Variants in CADM2 observed in about 807,000 individuals in gnomAD.
CADM2 encodes the protein immunoglobulin superfamily member 4D.
Under a neutral mutation model 49.8 loss-of-function variants are expected in CADM2, and 12 were observed. That is an observed-to-expected ratio of 0.24 (90% CI 0.15 to 0.39). CADM2 has a LOEUF of 0.39. Ranked by LOEUF, CADM2 falls within the 10% of genes least tolerant of loss-of-function variation. The pLI, the probability that CADM2 is intolerant of heterozygous loss-of-function variation, is 1.00. For missense variants in CADM2, 378 were observed against 492.3 expected (o/e 0.77, Z 2.20); for synonymous variants, 214 against 175.4 (o/e 1.22, Z -1.74).
intron 1 of CADM2, among the ~76,000 whole-genome samples, chr3:85,012,051 G>A (rs2107257799): frequency 6.7e-6 from 1 of 149,748 alleles, no homozygotes; most frequent in Admixed American, 6.7e-5. Context: ...TTTAGCCATT[G>A]AGATATAATG....
At chr3:85,858,880 A>C (rs565122408) in intron 3 of CADM2, among the ~76,000 whole-genome samples, 1 of 152,336 alleles carries the variant, frequency 6.6e-6, no homozygotes, top group African/African-American at 2.4e-5. Flanking sequence ...GATATATAGA[A>C]AAAAAGTAAC....
chr3:85,208,346 A>G (rs1477135084), intron 1 of CADM2, among the ~76,000 whole-genome samples: 1 of 152,194 alleles, frequency 6.6e-6, no homozygotes, highest in Non-Finnish European at 1.5e-5. Context: ...AGGGATAGCA[A>G]TAAAGGAAGG....
At chr3:85,051,966 C>G (rs2035898719) in intron 1 of CADM2, among the ~76,000 whole-genome samples, 1 of 151,854 alleles carries the variant, frequency 6.6e-6, no homozygotes, top group Admixed American at 6.6e-5. Flanking sequence ...GGTTGAGGAG[C>G]CAAGAGTTCT....
At chr3:85,631,870 T>C (rs2064319229) in intron 1 of CADM2, among the ~76,000 whole-genome samples, 1 of 152,168 alleles carries the variant, frequency 6.6e-6, no homozygotes, top group South Asian at 2.1e-4. Flanking sequence ...CAGATGATAC[T>C]GGTAATATTT....
At chr3:85,144,136 G>T (rs1423721431) in intron 1 of CADM2, among the ~76,000 whole-genome samples, 1 of 151,866 alleles carries the variant, frequency 6.6e-6, no homozygotes, top group Non-Finnish European at 1.5e-5. Context: ...TACAGACTCT[G>T]TTAACTATTT....
intron 8 of CADM2, among the ~76,000 whole-genome samples, chr3:86,021,307 C>CTT (rs11448900): frequency 6.6e-6 from 1 of 151,902 alleles, no homozygotes; most frequent in African/African-American, 2.4e-5. Context: ...GCCAAAACTG[C>CTT]TTTTTTGTAT....
At chr3:85,200,757 C>T (rs2041475270) in intron 1 of CADM2, among the ~76,000 whole-genome samples, 1 of 152,036 alleles carries the variant, frequency 6.6e-6, no homozygotes, top group Admixed American at 6.6e-5. Flanking sequence ...ATTTCAATGG[C>T]AAATATAAAT....
At chr3:85,320,864 A>G (rs1049519525) in intron 1 of CADM2, among the ~76,000 whole-genome samples, 1 of 151,516 alleles carries the variant, frequency 6.6e-6, no homozygotes, top group African/African-American at 2.4e-5. Context: ...TGTGGTTTAT[A>G]TCTCTGAAAG....
intron 1 of CADM2, among the ~76,000 whole-genome samples, chr3:85,253,021 C>T (rs757057427): frequency 3.3e-5 from 5 of 152,006 alleles, no homozygotes; most frequent in Non-Finnish European, 5.9e-5. Flanking sequence ...CTAATGATTA[C>T]AGTAAGTCTT....
At chr3:85,474,647 T>C (rs2038905831) in intron 1 of CADM2, among the ~76,000 whole-genome samples, 1 of 152,086 alleles carries the variant, frequency 6.6e-6, no homozygotes, top group African/African-American at 2.4e-5. Context: ...ACATGATTTA[T>C]ATCATTAATT....
rs149466976 is a variant in CADM2, at chr3:85,803,544, G to A, written c.238+1348G>A. Among the ~76,000 whole-genome samples, 82 of 139,514 alleles carry A rather than the reference G, an allele frequency of 5.9e-4. 2 individuals are homozygous for A. The East Asian group carries it at 0.016, about 27-fold the overall frequency. The allele number at this position is 139,514 out of a possible 152,430, so 91.5% of individuals were successfully genotyped here. On this transcript the variant is annotated intron_variant, in intron 3 of 9. Coordinates refer to ENST00000383699, the MANE Select transcript of CADM2 (RefSeq NM_001167675.2). ...AGATAGATAGATAGATCAATTGATC[G>A]ATATTTATTTTAATAAATTGGCTCA...
At chr3:85,857,201 G>A (rs929679278) in intron 3 of CADM2, among the ~76,000 whole-genome samples, 2 of 152,054 alleles carry the variant, frequency 1.3e-5, no homozygotes, top group Non-Finnish European at 2.9e-5. Context: ...TCACCTAAAG[G>A]CCCTACTTCC....
chr3:85,262,434 C>T (rs1020023920), intron 1 of CADM2, among the ~76,000 whole-genome samples: 1 of 151,908 alleles, frequency 6.6e-6, no homozygotes, highest in Non-Finnish European at 1.5e-5. Flanking sequence ...GACATGGATT[C>T]TTTATTCAAT....
intron 1 of CADM2, among the ~76,000 whole-genome samples, chr3:85,344,245 G>A (rs2030296621): frequency 6.6e-6 from 1 of 151,776 alleles, no homozygotes; most frequent in African/African-American, 2.4e-5. Flanking sequence ...GCTGGGCGTG[G>A]TGGCAGGCAC....
intron 7 of CADM2, among the ~76,000 whole-genome samples, chr3:85,959,607 G>T (rs1724562320): frequency 6.6e-6 from 1 of 151,862 alleles, no homozygotes; most frequent in Non-Finnish European, 1.5e-5. Context: ...GGAAATTACA[G>T]TCATGCACCA....
intron 1 of CADM2, among the ~76,000 whole-genome samples, chr3:85,543,420 A>ATGTGTGTGGGGGTGTGTG (rs372108050): frequency 0.012 from 1,546 of 129,612 alleles, 34 homozygotes; most frequent in East Asian, 0.042. Context: ...TGCCAAGCTA[A>ATGTGTGTGGGGGTGTGTG]TGTGTGTGTG....
At position 85,886,438 on chromosome 3, in the gene CADM2, T is replaced by C. The variant is rs1713666740; in HGVS notation, c.529+111T>C. ...AAAACATAGTGTCTCTTACAGATTA[T>C]GCATCATTTGAACCAGATTTACCCA... On this transcript the variant is annotated intron_variant, in intron 5 of 9. Coordinates refer to ENST00000383699, the MANE Select transcript of CADM2 (RefSeq NM_001167675.2). The C allele has an allele frequency of 6.7e-6, 5 of 742,632 alleles. No homozygotes were observed. In the South Asian group the frequency reaches 1.0e-4, roughly 15 times the overall value. The allele number at this position is 742,632 out of a possible 1,614,324, so 46.0% of individuals were successfully genotyped here.
chr3:86,019,436 G>T (rs1392327521), intron 8 of CADM2, among the ~76,000 whole-genome samples: 1 of 151,062 alleles, frequency 6.6e-6, no homozygotes, highest in South Asian at 2.1e-4. Flanking sequence ...TAGCTTGATG[G>T]GGATGGCATT....
chr3:85,656,205 T>A (rs2065190851), intron 1 of CADM2, among the ~76,000 whole-genome samples: 2 of 152,122 alleles, frequency 1.3e-5, no homozygotes, highest in Admixed American at 6.5e-5. Context: ...TTTATCATAG[T>A]ATGAACATTT....
Sources: gnomAD v4.1 joint callset for allele counts (sites outside exome capture counted in the v4.1 genomes callset) on GRCh38, gnomAD v4.1.1 for gene constraint, MANE v1.5 for transcripts, NCBI Gene and HGNC (gene_info 2026-07-23, HGNC 2026-07-21) for gene names.